UBXN11: variants seen among roughly 807,000 people sequenced by gnomAD.
UBXN11 encodes the protein UBX domain-containing protein 11.
Under a neutral mutation model 62.8 loss-of-function variants are expected in UBXN11, and 47 were observed. The observed-to-expected ratio is 0.75, with a 90% confidence interval of 0.59 to 0.95. The LOEUF is 0.95. Among genes scored for constraint, UBXN11 ranks in the 40% least tolerant of loss-of-function variants. The pLI, the probability that UBXN11 is intolerant of heterozygous loss-of-function variation, is 0.00. For synonymous variants in UBXN11, 294 were observed against 267.0 expected, an observed-to-expected ratio of 1.10 and a Z score of -0.99; for missense variants, 638 against 661.7, an observed-to-expected ratio of 0.96 and a Z score of 0.39.
chr1:26,302,362 TAA>T (rs56003085), intron 2 of UBXN11, among the ~76,000 whole-genome samples: 1,222 of 69,474 alleles, frequency 0.018, 35 homozygotes, highest in Non-Finnish European at 0.025. Flanking sequence ...ACTTGGTCTT[TAA>T]AAAAAAAAAA....
chr1:26,283,026 G>A (rs948805004), intron 12 of UBXN11, 89 bp from the exon 13 acceptor site: 2 of 1,539,016 alleles, frequency 1.3e-6, no homozygotes, highest in Non-Finnish European at 1.8e-6. Context: ...CTTGACCAGG[G>A]ACAGATGAGA....
upstream of UBXN11, among the ~76,000 whole-genome samples, chr1:26,311,510 T>C (rs1161170272): frequency 4.0e-5 from 6 of 150,594 alleles, no homozygotes; most frequent in African/African-American, 1.2e-4. Flanking sequence ...TGGCGCGATC[T>C]TGGCTCACTG....
intron 10 of UBXN11, chr1:26,284,823 A>G (rs967905872): frequency 9.4e-7 from 1 of 1,066,862 alleles, no homozygotes; most frequent in African/African-American, 1.7e-5. Context: ...CACAAACCGC[A>G]TCATCGTACA....
At position 26,294,198 on chromosome 1, in the gene UBXN11, GCTCTA is replaced by G. The variant is rs766628784; in HGVS notation, c.559+2_559+6del. 1 of 1,613,802 alleles carries G rather than the reference GCTCTA, an allele frequency of 6.2e-7. No homozygotes were observed. Among genetic ancestry groups the G allele is most frequent in the Non-Finnish European group, 8.5e-7 (1 of 1,179,810 alleles). On this transcript the variant is annotated splice_donor_variant and splice_donor_5th_base_variant and intron_variant, in intron 8 of 14. Coordinates refer to ENST00000374222, the MANE Select transcript of UBXN11 (RefSeq NM_001389556.1). LOFTEE classifies it high-confidence loss of function. ...GAAGAGGGCCTGGGGCAGACGCCCT[GCTCTA>G]CCTGGCTTCCAGAACTTCTTGGCTG...
At chr1:26,300,209 C>G (rs150942772) in intron 4 of UBXN11, among the ~76,000 whole-genome samples, 1 of 152,184 alleles carries the variant, frequency 6.6e-6, no homozygotes, top group African/African-American at 2.4e-5. Flanking sequence ...CACTGAGCAC[C>G]TCGCGTGACA....
At chr1:26,315,123 G>A (rs946110344) in intron 1 of UBXN11, among the ~76,000 whole-genome samples, 1 of 152,178 alleles carries the variant, frequency 6.6e-6, no homozygotes, top group Admixed American at 6.5e-5. Context: ...AATAATTGGA[G>A]AAGGGCTTTC....
intron 3 of UBXN11, 70 bp from the exon 4 acceptor site, chr1:26,301,094 C>T (rs1405391110): frequency 3.1e-6 from 5 of 1,610,438 alleles, no homozygotes; most frequent in Admixed American, 3.4e-5. Context: ...CCTGGGCCCT[C>T]GCCAGTGTGA....
rs2073035167 is a variant in UBXN11, at chr1:26,282,936, T to G, written c.1079A>C (p.Asn360Thr). 6.2e-7 allele frequency: 1 copy of G among 1,614,016 alleles called. No individual in the cohort carries two copies. Among genetic ancestry groups the G allele is most frequent in the South Asian group, 1.1e-5 (1 of 91,092 alleles). The change falls in exon 13 of 15, where the codon AAC becomes ACC. Residue 360 changes from asparagine (N) to threonine (T), a missense_variant and splice_region_variant. By Grantham distance (65) the Asn-to-Thr change is moderately conservative. Transcript: ENST00000374222. Reference sequence around the variant, plus strand: ...GATCCGGGCAGGCAATGGGCAGCAGTTCTGGAAGGTATCAGTGGAGGGTGG... The same window carrying G: ...GATCCGGGCAGGCAATGGGCAGCAGGTCTGGAAGGTATCAGTGGAGGGTGG... ...IRGPIRDTLQNCCPLPARIQE... is the reference protein window; with the variant it reads ...IRGPIRDTLQTCCPLPARIQE...
At chr1:26,317,543 A>G (rs989047089) in intron 1 of UBXN11, among the ~76,000 whole-genome samples, 1 of 147,650 alleles carries the variant, frequency 6.8e-6, no homozygotes, top group African/African-American at 2.5e-5. Flanking sequence ...TTCTTTAAAC[A>G]ACAAACTCAT....
chr1:26,286,033 G>C lies in UBXN11; in HGVS notation c.564C>G (p.Asp188Glu), dbSNP rs373338321. The change falls in exon 9 of 15, where the codon GAC (aspartate) becomes GAG (glutamate). Residue 188 changes from aspartate (D) to glutamate (E), a missense_variant. Physicochemically the swap from Asp to Glu is conservative, Grantham distance 45. Coordinates refer to ENST00000374222, the MANE Select transcript of UBXN11 (RefSeq NM_001389556.1). ...AGTCCACCTCAGGGGGCGCCAATGA[G>C]TCCCCTGGCAAAGAGGACAGACACC... ...MTAKKFWKPGDSLAPPEVDFD... is the reference protein window; with the variant it reads ...MTAKKFWKPGESLAPPEVDFD... The C allele has an allele frequency of 7.0e-5, 112 of 1,601,168 alleles. No homozygotes were observed. Among genetic ancestry groups the C allele is most frequent in the Non-Finnish European group, 8.9e-5 (104 of 1,171,086 alleles).
chr1:26,290,043 C>G (rs186398176), intron 8 of UBXN11, among the ~76,000 whole-genome samples: 1 of 152,210 alleles, frequency 6.6e-6, no homozygotes, highest in Non-Finnish European at 1.5e-5. Context: ...TCAGGCCTGC[C>G]GGGTCCCACC....
At chr1:26,296,835 G>T in intron 7 of UBXN11, 84 bp downstream of exon 7, 1 of 1,421,756 alleles carries the variant, frequency 7.0e-7, no homozygotes, top group Non-Finnish European at 9.6e-7. Flanking sequence ...AGAGAGGTGG[G>T]CTCGGACCCA....
chr1:26,312,288 G>C (rs569692121), intron 1 of UBXN11, among the ~76,000 whole-genome samples: 11 of 151,948 alleles, frequency 7.2e-5, no homozygotes, highest in African/African-American at 2.7e-4. Context: ...ATCTCTTTCT[G>C]TCACCCAGGC....
chr1:26,314,160 T>C (rs2073769342), intron 1 of UBXN11, among the ~76,000 whole-genome samples: 1 of 152,230 alleles, frequency 6.6e-6, no homozygotes, highest in Admixed American at 6.5e-5. Context: ...TAAGTAAGCA[T>C]AGTTATTTGA....
At chr1:26,309,642 A>G (rs112231148), upstream of UBXN11, among the ~76,000 whole-genome samples, 17 of 152,272 alleles carry the variant, frequency 1.1e-4, no homozygotes, top group African/African-American at 3.9e-4. Context: ...AAGAGCCATC[A>G]TTTGTTGGGG....
intron 1 of UBXN11, among the ~76,000 whole-genome samples, chr1:26,316,125 ATT>A (rs57889417): frequency 0.012 from 1,077 of 91,406 alleles, 14 homozygotes; most frequent in African/African-American, 0.038. Context: ...TGCCCGGCTA[ATT>A]TTTTTTTTTT....
At position 26,284,159 on chromosome 1, in the gene UBXN11, T is replaced by A; in HGVS notation, c.1060A>T (p.Ile354Phe). ...QGEVIDIRGP[I>F]RDTLQNCCPL... Reference sequence around the variant, plus strand: ...GGCCTCACCTGCAAGGTGTCCCTGATGGGGCCCCGGATGTCAATCACCTCG... The same window carrying A: ...GGCCTCACCTGCAAGGTGTCCCTGAAGGGGCCCCGGATGTCAATCACCTCG... The change falls in exon 12 of 15, where the codon ATC becomes TTC. Residue 354 changes from isoleucine (I) to phenylalanine (F), a missense_variant. Physicochemically the swap from Ile to Phe is conservative, Grantham distance 21. Coordinates refer to ENST00000374222, the MANE Select transcript of UBXN11 (RefSeq NM_001389556.1). The A allele has an allele frequency of 6.2e-7, 1 of 1,611,120 alleles. No individual in the cohort carries two copies.
chr1:26,303,747 T>C (rs1238407025), intron 1 of UBXN11, among the ~76,000 whole-genome samples: 1 of 151,748 alleles, frequency 6.6e-6, no homozygotes, highest in Non-Finnish European at 1.5e-5. Flanking sequence ...ATGGGGGTCG[T>C]AATAGTACTG....
At chr1:26,292,820 C>T (rs1200311913) in intron 8 of UBXN11, among the ~76,000 whole-genome samples, 3 of 151,876 alleles carry the variant, frequency 2.0e-5, no homozygotes, top group African/African-American at 4.8e-5. Flanking sequence ...TGCCATTGCA[C>T]TCTAGCCTGG....
Sources: allele counts gnomAD v4.1 joint callset (sites outside exome capture counted in the v4.1 genomes callset), GRCh38; gene constraint gnomAD v4.1.1; transcripts MANE v1.5; gene names NCBI Gene and HGNC (gene_info 2026-07-23, HGNC 2026-07-21).